The following CENPF variants were observed in gnomAD, a reference collection of about 807,000 sequenced individuals.
CENPF encodes the protein centromere protein F.
Under a neutral mutation model 307.3 loss-of-function variants are expected in CENPF, and 214 were observed. The observed-to-expected ratio is 0.70, with a 90% CI of 0.62 to 0.78. CENPF has a LOEUF of 0.78. Among genes scored for constraint, CENPF ranks in the 30% least tolerant of loss-of-function variants. CENPF has a pLI of 0.00. For synonymous variants in CENPF, 1,259 were observed against 1,270.6 expected (o/e 0.99, Z 0.19); for missense variants, 3,401 against 3,483.9 (o/e 0.98, Z 0.60).
Position 214,640,807 on chromosome 1 carries a change from A to G in CENPF, c.2469A>G (p.Lys823=), listed in dbSNP as rs1235570821. 3 of 1,606,044 alleles carry G rather than the reference A, an allele frequency of 1.9e-6. No individual in the cohort carries two copies. Among genetic ancestry groups the G allele is most frequent in the Non-Finnish European group, 2.5e-6 (3 of 1,177,276 alleles). The stretch of plus-strand genomic sequence containing the variant: ...GTTTAGAAGCAGACCAAAGTCCGAA[A>G]AATTCTGCCATCCTACAAAATAGAG... ...ECRLEADQSP[K]NSAILQNRVD... Residue 823 remains lysine (K), a synonymous_variant, in exon 12 of 20, where the codon AAA becomes AAG. Coordinates refer to ENST00000366955, the MANE Select transcript of CENPF (RefSeq NM_016343.4).
rs757577625 is a variant in CENPF at position 214,632,542 on chromosome 1, A to G, written c.1386A>G (p.Arg462=). The change falls in exon 10 of 20, where the codon AGA becomes AGG. Residue 462 remains arginine (R), a synonymous_variant. Coordinates refer to ENST00000366955, the MANE Select transcript of CENPF (RefSeq NM_016343.4). ...AAGAGTTTAAGCAAAAGTTGTGCAG[A>G]GCTGAACAGGCGTTCCAGGCGAGTC... ...NLEEFKQKLC[R]AEQAFQASQI... is the part of the protein sequence containing the mutation. The G allele has an allele frequency of 1.9e-6, 3 of 1,614,046 alleles. No individual in the cohort carries two copies. Among genetic ancestry groups the G allele is most frequent in the Admixed American group, 1.7e-5 (1 of 60,006 alleles).
intron 14 of CENPF, among the ~76,000 whole-genome samples, chr1:214,651,103 G>A (rs1039167616): frequency 1.3e-5 from 2 of 152,156 alleles, no homozygotes; most frequent in African/African-American, 2.4e-5. Flanking sequence ...GATTGGAGCA[G>A]GTTAAAGAAT....
At chr1:214,615,329 G>T in intron 3 of CENPF, 1 of 185,972 alleles carries the variant, frequency 5.4e-6, no homozygotes, top group South Asian at 1.8e-4. Flanking sequence ...GACACTATTG[G>T]TCACTGAGTA....
chr1:214,641,584 C>A lies in CENPF; in HGVS notation c.3246C>A (p.His1082Gln). The A allele has an allele frequency of 1.3e-6, 2 of 1,540,552 alleles. No homozygotes were observed. Among genetic ancestry groups the A allele is most frequent in the Non-Finnish European group, 1.7e-6 (2 of 1,149,976 alleles). The change falls in exon 12 of 20, where the codon CAC (histidine) becomes CAA (glutamine). Residue 1082 changes from histidine to glutamine, a missense_variant. Coordinates refer to ENST00000366955, the MANE Select transcript of CENPF (RefSeq NM_016343.4). The part of the protein sequence containing the change: ...EQLKEAFAKE[H>Q]QEFLTKLAFA... ...TAAAGGAAGCATTTGCAAAGGAACA[C>A]CAAGAATTCTTAACAAAATTAGCAT...
In CENPF at chr1:214,620,963, T is replaced by C. The variant is rs1453613825; in HGVS notation, c.865+17T>C. ...AGAATCAAGGTAACATTGAGCTAAGTTAAGTTTAAATTCACTTTGCTTGAG... is the reference window on the plus strand; with the variant it reads ...AGAATCAAGGTAACATTGAGCTAAGCTAAGTTTAAATTCACTTTGCTTGAG... On this transcript the variant is annotated intron_variant, in intron 6 of 19. Transcript: ENST00000366955. The C allele has an allele frequency of 6.3e-7, 1 of 1,578,916 alleles. No homozygotes were observed. Among genetic ancestry groups the C allele is most frequent in the Non-Finnish European group, 8.6e-7 (1 of 1,164,646 alleles).
intron 18 of CENPF, 113 bp from the exon 19 acceptor site, chr1:214,658,737 A>G: frequency 9.5e-7 from 1 of 1,051,512 alleles, no homozygotes; most frequent in Non-Finnish European, 1.4e-6. Context: ...TGGCTAGGAC[A>G]AAGTATTTTT....
intron 12 of CENPF, among the ~76,000 whole-genome samples, 184 bp from the exon 13 acceptor site, chr1:214,644,373 C>T (rs942909908): frequency 2.0e-5 from 3 of 152,212 alleles, no homozygotes; most frequent in African/African-American, 7.2e-5. Context: ...GGGCCACTTA[C>T]TGAACGTATA....
At chr1:214,654,814 TG>T (rs536399056) in intron 16 of CENPF, among the ~76,000 whole-genome samples, 86 of 152,320 alleles carry the variant, frequency 5.6e-4, no homozygotes, top group African/African-American at 2.0e-3. Context: ...GGCCTTCACT[TG>T]GTATGGCTAA....
In CENPF at chr1:214,645,049, G is replaced by T; in HGVS notation, c.5479G>T (p.Glu1827Ter). ...AATGACCAAAATTGAAGCATGCATA[G>T]AATTGGAAAAAATAGTTGGGGAACT... ...QLMTKIEACI[E>*]LEKIVGELKK... Residue 1827 changes from glutamate (E) to a stop codon, truncating the protein, a stop_gained, in exon 13 of 20, where the codon GAA (glutamate) becomes TAA (stop). Coordinates refer to ENST00000366955, the MANE Select transcript of CENPF (RefSeq NM_016343.4). LOFTEE classifies it high-confidence loss of function. 1 of 1,613,694 alleles carries T rather than the reference G, an allele frequency of 6.2e-7. No homozygotes were observed. The highest frequency in any genetic ancestry group is 8.5e-7 in the Non-Finnish European group (1 of 1,179,930).
Position 214,605,715 on chromosome 1 carries a change from G to A in CENPF, c.-42+2394G>A, listed in dbSNP as rs1332793727. 5.0e-6 allele frequency: 8 copies of A among 1,593,090 alleles called. No homozygotes were observed. In the East Asian group the frequency reaches 1.1e-4, roughly 22 times the overall value. Reference sequence around the variant, plus strand: ...GGCAGCTCCTGGGAGATGAAGCGACGCAGGCCCTCCAGGTACTGGCTGTAG... The same window carrying A: ...GGCAGCTCCTGGGAGATGAAGCGACACAGGCCCTCCAGGTACTGGCTGTAG... On this transcript the variant is annotated intron_variant, in intron 1 of 19. Transcript: ENST00000366955.
chr1:214,662,532 A>G (rs1658814961), intron 19 of CENPF, among the ~76,000 whole-genome samples: 1 of 152,148 alleles, frequency 6.6e-6, no homozygotes, highest in South Asian at 2.1e-4. Flanking sequence ...TTCTTCTTGC[A>G]TCAGAAGGAG....
At chr1:214,627,817 C>A (rs1657697419) in intron 7 of CENPF, among the ~76,000 whole-genome samples, 1 of 152,172 alleles carries the variant, frequency 6.6e-6, no homozygotes, top group Non-Finnish European at 1.5e-5. Flanking sequence ...AAATGTGTAA[C>A]TGAAATAAAA....
chr1:214,608,517 A>G, intron 1 of CENPF: 1 of 1,611,968 alleles, frequency 6.2e-7, no homozygotes, highest in Non-Finnish European at 8.5e-7. Context: ...ACCTGGCACC[A>G]GTCACGCAGC....
Position 214,657,215 on chromosome 1 carries a change from C to T in CENPF, c.8768C>T (p.Ser2923Phe), listed in dbSNP as rs375747320. 6.2e-7 allele frequency: 1 copy of T among 1,614,026 alleles called. No homozygotes were observed. The highest frequency in any genetic ancestry group is 1.3e-5 in the African/African-American group (1 of 74,920). ...IPSVTEKRLS[S>F]GQNKASGKRQ... is the part of the protein sequence containing the mutation. ...TCTGTTACTGAAAAGAGGTTATCAT[C>T]TGGCCAAAATAAAGCTTCAGGCAAG... The change falls in exon 18 of 20, where the codon TCT becomes TTT. Residue 2923 changes from serine to phenylalanine, a missense_variant. Transcript: ENST00000366955.
chr1:214,641,471 G>A lies in CENPF; in HGVS notation c.3133G>A (p.Ala1045Thr), dbSNP rs146647521. The A allele has an allele frequency of 8.5e-6, 13 of 1,537,646 alleles. No homozygotes were observed. The African/African-American group carries it at 1.5e-4, about 18-fold the overall frequency. Residue 1045 changes from alanine to threonine, a missense_variant, in exon 12 of 20, where the codon GCA becomes ACA. Transcript: ENST00000366955. ...AYEDLSQKYK[A>T]AQEKNSKLEC... Reference sequence around the variant, plus strand: ...TGAGGATCTTAGTCAAAAATACAAAGCAGCACAGGAAAAGAATTCTAAATT... The same window carrying A: ...TGAGGATCTTAGTCAAAAATACAAAACAGCACAGGAAAAGAATTCTAAATT...
intron 16 of CENPF, chr1:214,653,351 A>G (rs995449798): frequency 5.0e-6 from 1 of 199,374 alleles, no homozygotes; most frequent in Non-Finnish European, 1.1e-5. Flanking sequence ...CTCCAACTTC[A>G]CTGTCACCAT....
intron 5 of CENPF, among the ~76,000 whole-genome samples, chr1:214,620,400 AAG>A (rs1217612540): frequency 6.6e-6 from 1 of 152,212 alleles, no homozygotes; most frequent in African/African-American, 2.4e-5. Flanking sequence ...AATAAATACT[AAG>A]ACTTAGCCTA....
Position 214,619,158 on chromosome 1 carries a change from T to C in CENPF, c.511T>C (p.Tyr171His). The C allele has an allele frequency of 6.4e-7, 1 of 1,572,726 alleles. No homozygotes were observed. The highest frequency in any genetic ancestry group is 1.7e-4 in the Middle Eastern group (1 of 5,804). ...CAAGTATGAAGATCTAAAAGAAAAATATAATAAAGAGGTTGAAGAACGAAA... is the reference window on the plus strand; with the variant it reads ...CAAGTATGAAGATCTAAAAGAAAAACATAATAAAGAGGTTGAAGAACGAAA... ...GSKYEDLKEK[Y>H]NKEVEERKRL... The change falls in exon 5 of 20, where the codon TAT becomes CAT. Residue 171 changes from tyrosine to histidine, a missense_variant. Transcript: ENST00000366955.
intron 10 of CENPF, among the ~76,000 whole-genome samples, chr1:214,635,050 A>C (rs1285972519): frequency 6.6e-6 from 1 of 152,194 alleles, no homozygotes; most frequent in African/African-American, 2.4e-5. Context: ...CCAGCCCCAT[A>C]GCATTGGGGT....
Sources: allele counts gnomAD v4.1 joint callset (sites outside exome capture counted in the v4.1 genomes callset), GRCh38; gene constraint gnomAD v4.1.1; transcripts MANE v1.5; gene names NCBI Gene and HGNC (gene_info 2026-07-23, HGNC 2026-07-21).